IL18R1: variants seen among roughly 807,000 people sequenced by gnomAD.
The protein encoded by IL18R1 is interleukin 18 receptor 1, also known as interleukin-18 receptor 1.
Under a neutral mutation model 48.5 loss-of-function variants are expected in IL18R1, and 40 were observed. The ratio of observed to expected loss-of-function variants is 0.82; its 90% confidence interval spans 0.64 to 1.07. The LOEUF (loss-of-function observed/expected upper bound fraction) is 1.07, where lower values mean the gene tolerates loss of function less well. IL18R1 is among the 50% of genes least tolerant of loss of function. The probability of loss-of-function intolerance (pLI) is 0.00; values close to 1 mark genes in which losing one functional copy is unlikely to be tolerated. For missense variants in IL18R1, 596 were observed against 633.7 expected, an observed-to-expected ratio of 0.94 and a Z score of 0.64; for synonymous variants, 232 against 225.9, an observed-to-expected ratio of 1.03 and a Z score of -0.24.
At chr2:102,388,076 C>A (rs1003120160) in intron 8 of IL18R1, among the ~76,000 whole-genome samples, 1 of 152,150 alleles carries the variant, frequency 6.6e-6, no homozygotes, top group African/African-American at 2.4e-5. Flanking sequence ...CATGCAGAGA[C>A]AGCCACACAC....
chr2:102,368,008 G>A lies in IL18R1; in HGVS notation c.242G>A (p.Cys81Tyr). The A allele has an allele frequency of 1.2e-6, 2 of 1,614,210 alleles. No individual in the cohort carries two copies. The highest frequency in any genetic ancestry group is 1.3e-5 in the African/African-American group (1 of 75,056). ...RSSSRIALHDCVLEFWPVELN... is the reference protein window; with the variant it reads ...RSSSRIALHDYVLEFWPVELN... ...TCCTCGAGAATTGCTTTGCATGATT[G>A]TGTTTTGGAGTTTTGGCCAGTTGAG... The change falls in exon 3 of 11, where the codon TGT (cysteine) becomes TAT (tyrosine). Residue 81 changes from cysteine (C) to tyrosine (Y), a missense_variant. This residue lies in a region of IL18R1 where 360 missense variants were observed against 339.4 expected (regional missense o/e 1.06). Coordinates refer to ENST00000233957, the MANE Select transcript of IL18R1 (RefSeq NM_003855.5).
intron 6 of IL18R1, among the ~76,000 whole-genome samples, chr2:102,382,265 C>T (rs1330604634): frequency 2.6e-5 from 4 of 151,944 alleles, no homozygotes; most frequent in African/African-American, 9.7e-5. Context: ...GAGCAAGACT[C>T]TATCTCAAAA....
At chr2:102,393,007 GA>G (rs1205370502) in intron 9 of IL18R1, among the ~76,000 whole-genome samples, 1 of 152,116 alleles carries the variant, frequency 6.6e-6, no homozygotes, top group Non-Finnish European at 1.5e-5. Flanking sequence ...ATTAATAGTT[GA>G]AAAGCTAATT....
At chr2:102,370,953 G>A (rs1679214421) in intron 3 of IL18R1, among the ~76,000 whole-genome samples, 1 of 152,162 alleles carries the variant, frequency 6.6e-6, no homozygotes, top group African/African-American at 2.4e-5. Flanking sequence ...TACATCACAG[G>A]TGCAGTGGAA....
intron 4 of IL18R1, 24 bp downstream of exon 4, chr2:102,372,142 C>T: frequency 6.5e-7 from 1 of 1,531,484 alleles, no homozygotes; most frequent in African/African-American, 1.4e-5. Context: ...AATATTTTAA[C>T]TTTAAGACTT....
At position 102,390,055 on chromosome 2, in the gene IL18R1, G is replaced by A. The variant is rs2105121312; in HGVS notation, c.950-1G>A. On this transcript the variant is annotated splice_acceptor_variant, in intron 8 of 10. Transcript: ENST00000233957. LOFTEE classifies it high-confidence loss of function. ...TTTTCCTTTTTCCCTTTCTTTTCTA[G>A]CAGACATGGCTGATATCCCAGGCCA... 2 of 1,613,258 alleles carry A rather than the reference G, an allele frequency of 1.2e-6. No individual in the cohort carries two copies. Among genetic ancestry groups the A allele is most frequent in the Non-Finnish European group, 1.7e-6 (2 of 1,179,648 alleles).
chr2:102,368,970 G>A (rs1679077660), intron 3 of IL18R1, among the ~76,000 whole-genome samples: 2 of 152,278 alleles, frequency 1.3e-5, no homozygotes, highest in East Asian at 3.9e-4. Flanking sequence ...CTGTAGTTTT[G>A]CACCAAATCA....
chr2:102,372,900 T>C lies in IL18R1; in HGVS notation c.468+782T>C, dbSNP rs182235956. Among the ~76,000 whole-genome samples, 376 of 152,346 alleles carry C rather than the reference T, an allele frequency of 2.5e-3. 3 individuals carry two copies. Among genetic ancestry groups the C allele is most frequent in the African/African-American group, 8.6e-3 (358 of 41,574 alleles). Reference sequence around the variant, plus strand: ...ATGATTTGTCCTTCAACCAAATCCCTAAATGTAGAATTACTGGATCAGAGG... The same window carrying C: ...ATGATTTGTCCTTCAACCAAATCCCCAAATGTAGAATTACTGGATCAGAGG... On this transcript the variant is annotated intron_variant, in intron 4 of 10. Coordinates refer to ENST00000233957, the MANE Select transcript of IL18R1 (RefSeq NM_003855.5).
intron 1 of IL18R1, among the ~76,000 whole-genome samples, chr2:102,357,469 C>G (rs1471021862): frequency 6.8e-6 from 1 of 146,350 alleles, no homozygotes; most frequent in African/African-American, 2.6e-5. Flanking sequence ...CCAGCCTGGG[C>G]GACAGAGTGA....
At chr2:102,395,361 G>A (rs1387506104) in intron 10 of IL18R1, among the ~76,000 whole-genome samples, 2 of 150,870 alleles carry the variant, frequency 1.3e-5, no homozygotes, top group Non-Finnish European at 1.5e-5. Context: ...AAAAACAAAT[G>A]TTTGATTATT....
intron 6 of IL18R1, among the ~76,000 whole-genome samples, chr2:102,384,088 A>G (rs1680081170): frequency 6.6e-6 from 1 of 152,176 alleles, no homozygotes; most frequent in Non-Finnish European, 1.5e-5. Flanking sequence ...GTAGCCTGAG[A>G]GTTGAGTATC....
In IL18R1 at chr2:102,396,662, A is replaced by C; in HGVS notation, c.1402A>C (p.Lys468Gln). Residue 468 changes from lysine to glutamine, a missense_variant, in exon 11 of 11, where the codon AAA becomes CAA. Coordinates refer to ENST00000233957, the MANE Select transcript of IL18R1 (RefSeq NM_003855.5). ...SGLHEALVERKIKIILIEFTP... is the reference protein window; with the variant it reads ...SGLHEALVERQIKIILIEFTP... ...ACTCCATGAAGCATTGGTGGAAAGA[A>C]AAATTAAAATAATCTTAATTGAATT... is the stretch of plus-strand genomic sequence containing the variant. The C allele has an allele frequency of 6.2e-7, 1 of 1,613,434 alleles. No homozygotes were observed. Among genetic ancestry groups the C allele is most frequent in the Non-Finnish European group, 8.5e-7 (1 of 1,179,312 alleles).
intron 4 of IL18R1, among the ~76,000 whole-genome samples, chr2:102,374,897 A>C (rs935675447): frequency 2.6e-5 from 4 of 152,340 alleles, no homozygotes; most frequent in Non-Finnish European, 4.4e-5. Context: ...TTGACTGATC[A>C]TGACTTCACC....
At chr2:102,388,004 A>T (rs1037911011) in intron 8 of IL18R1, among the ~76,000 whole-genome samples, 5 of 152,140 alleles carry the variant, frequency 3.3e-5, no homozygotes, top group African/African-American at 1.2e-4. Context: ...AAATACAGAG[A>T]GATGAGAGTG....
Position 102,367,973 on chromosome 2 carries a change from C to T in IL18R1, c.207C>T (p.Asn69=), listed in dbSNP as rs1033414496. The change falls in exon 3 of 11, where the codon AAC becomes AAT. Residue 69 remains asparagine (N), a synonymous_variant. Coordinates refer to ENST00000233957, the MANE Select transcript of IL18R1 (RefSeq NM_003855.5). ...SSGSQEHVEL[N]PRSSSRIALH... Reference sequence around the variant, plus strand: ...GATCACAGGAACATGTGGAGCTGAACCCAAGGAGTTCCTCGAGAATTGCTT... The same window carrying T: ...GATCACAGGAACATGTGGAGCTGAATCCAAGGAGTTCCTCGAGAATTGCTT... 3 of 1,614,184 alleles carry T rather than the reference C, an allele frequency of 1.9e-6. No individual in the cohort carries two copies. Among genetic ancestry groups the T allele is most frequent in the Non-Finnish European group, 2.5e-6 (3 of 1,180,034 alleles).
At chr2:102,362,824 GA>G (rs1678660195) in intron 2 of IL18R1, 106 bp downstream of exon 2, 1 of 622,322 alleles carries the variant, frequency 1.6e-6, no homozygotes, top group Non-Finnish European at 2.7e-6. Flanking sequence ...AATTTATTCA[GA>G]AAAGAAAAGA....
At chr2:102,375,242 CT>C (rs1679506429) in intron 4 of IL18R1, among the ~76,000 whole-genome samples, 2 of 152,298 alleles carry the variant, frequency 1.3e-5, no homozygotes, top group Admixed American at 1.3e-4. Flanking sequence ...GGACCTACCT[CT>C]GGGTGTCAGA....
intron 2 of IL18R1, chr2:102,363,037 G>T: frequency 5.4e-6 from 1 of 183,846 alleles, no homozygotes; most frequent in Non-Finnish European, 1.1e-5. Flanking sequence ...CATTATTTAG[G>T]TAATAATGAG....
At chr2:102,371,931 C>A (rs756145601) in intron 3 of IL18R1, 22 bp from the exon 4 acceptor site, 4 of 1,369,130 alleles carry the variant, frequency 2.9e-6, no homozygotes, top group African/African-American at 1.5e-5. Flanking sequence ...TTATAAAATA[C>A]CTTTACACTT....
Sources: gnomAD v4.1 joint callset for allele counts (sites outside exome capture counted in the v4.1 genomes callset) on GRCh38, gnomAD v4.1.1 for gene constraint, gnomAD v4.1.1 regional missense constraint, MANE v1.5 for transcripts, NCBI Gene and HGNC (gene_info 2026-07-23, HGNC 2026-07-21) for gene names.